The following INSR variants were observed in gnomAD, a reference collection of about 807,000 sequenced individuals.
The protein encoded by INSR is insulin receptor.
INSR carries 67 observed loss-of-function variants against 142.6 expected under a neutral mutation model. The observed-to-expected ratio is 0.47, with a 90% CI of 0.39 to 0.58. The LOEUF (loss-of-function observed/expected upper bound fraction) is 0.58, where lower values mean the gene tolerates loss of function less well. INSR is among the 20% of genes least tolerant of loss of function. The pLI is 0.00. For synonymous variants in INSR, 756 were observed against 743.1 expected (o/e 1.02, Z -0.28); for missense variants, 1,248 against 1,833.2 (o/e 0.68, Z 5.83).
chr19:7,116,900 C>T lies in INSR; in HGVS notation c.*156G>A, dbSNP rs996005411. 15 of 685,880 alleles carry T rather than the reference C, an allele frequency of 2.2e-5. No individual in the cohort carries two copies. Among genetic ancestry groups the T allele is most frequent in the East Asian group, 5.2e-5 (2 of 38,118 alleles). The allele number at this position is 685,880 out of a possible 1,614,324, so 42.5% of individuals were successfully genotyped here. A position where few individuals can be genotyped will look rare whatever the true frequency, so the allele number is the denominator to read the frequency against. Reference sequence around the variant, plus strand: ...AGGACTAGTTAAATTGGTAACCAAACGAGTCCACCTTAAGATGAACAGAAA... The same window carrying T: ...AGGACTAGTTAAATTGGTAACCAAATGAGTCCACCTTAAGATGAACAGAAA... On this transcript the variant is annotated 3_prime_UTR_variant, in exon 22 of 22. Transcript: ENST00000302850.
At chr19:7,128,749 C>T (rs2144822424) in intron 15 of INSR, 103 bp downstream of exon 15, 1 of 795,460 alleles carries the variant, frequency 1.3e-6, no homozygotes, top group Non-Finnish European at 2.2e-6. Flanking sequence ...CCTATATCAG[C>T]AAAATTCATA....
At chr19:7,223,959 T>C (rs893192971) in intron 2 of INSR, among the ~76,000 whole-genome samples, 15 of 151,946 alleles carry the variant, frequency 9.9e-5, no homozygotes, top group Non-Finnish European at 1.6e-4. Flanking sequence ...AATTTTTTTT[T>C]TTTTTGAGAC....
At chr19:7,247,950 C>T (rs1449081525) in intron 2 of INSR, among the ~76,000 whole-genome samples, 1 of 151,956 alleles carries the variant, frequency 6.6e-6, no homozygotes, top group African/African-American at 2.4e-5. Flanking sequence ...GCAGAGCTAC[C>T]TTAGTGGACA....
intron 9 of INSR, among the ~76,000 whole-genome samples, chr19:7,154,320 T>TTTTTGTTG: frequency 7.5e-6 from 1 of 133,148 alleles, no homozygotes; most frequent in East Asian, 2.7e-4. Context: ...TTTTTTTTTT[T>TTTTTGTTG]GAGATGGAGT....
In INSR at chr19:7,147,837, A is replaced by G. The variant is rs1005648483; in HGVS notation, c.2267+2660T>C. Among the ~76,000 whole-genome samples the G allele has an allele frequency of 2.6e-5, 4 of 152,258 alleles. No homozygotes were observed. The East Asian group carries it at 7.7e-4, about 29-fold the overall frequency. On this transcript the variant is annotated intron_variant, in intron 11 of 21. Coordinates refer to ENST00000302850, the MANE Select transcript of INSR (RefSeq NM_000208.4). ...ACAACCAGAGATGTAAAATGGGCTC[A>G]TCAAACAGGCCAAATGAGTTTATAT...
intron 14 of INSR, among the ~76,000 whole-genome samples, chr19:7,131,622 A>C (rs1364736673): frequency 6.7e-6 from 1 of 149,082 alleles, no homozygotes; most frequent in Non-Finnish European, 1.5e-5. Context: ...CTGGGATTAC[A>C]GGTGTGAGCC....
At position 7,275,927 on chromosome 19, in the gene INSR, C is replaced by G. The variant is rs1174182475; in HGVS notation, c.101-8031G>C. Among the ~76,000 whole-genome samples the G allele has an allele frequency of 4.6e-5, 7 of 152,126 alleles. No individual in the cohort carries two copies. In the East Asian group the frequency reaches 1.4e-3, roughly 29 times the overall value. On this transcript the variant is annotated intron_variant, in intron 1 of 21. Transcript: ENST00000302850. ...CAGAGCTGTATTGGACCGTGCTGGTCCTGAATCTGAGAATTTTCCAGAAGG... is the reference window on the plus strand; with the variant it reads ...CAGAGCTGTATTGGACCGTGCTGGTGCTGAATCTGAGAATTTTCCAGAAGG...
At chr19:7,207,941 G>GAA (rs1975156893) in intron 2 of INSR, among the ~76,000 whole-genome samples, 1 of 90,944 alleles carries the variant, frequency 1.1e-5, no homozygotes. Flanking sequence ...AGGAAGGAAG[G>GAA]GAAGGAGGGA....
intron 13 of INSR, among the ~76,000 whole-genome samples, chr19:7,134,013 A>T (rs1018130530): frequency 6.6e-6 from 1 of 152,154 alleles, no homozygotes; most frequent in Non-Finnish European, 1.5e-5. Flanking sequence ...GAGATCTCAT[A>T]GCTGCAAAGT....
intron 2 of INSR, among the ~76,000 whole-genome samples, chr19:7,211,296 G>A (rs1388887219): frequency 6.6e-6 from 1 of 152,156 alleles, no homozygotes; most frequent in African/African-American, 2.4e-5. Context: ...TGAACTCCTG[G>A]CCTCGAGAAT....
chr19:7,136,989 C>T (rs916736099), intron 13 of INSR, among the ~76,000 whole-genome samples: 8 of 151,718 alleles, frequency 5.3e-5, no homozygotes, highest in African/African-American at 1.5e-4. Flanking sequence ...TGCACCACCA[C>T]GCCCGGCTAA....
rs182932229 is a variant in INSR at position 7,267,188 on chromosome 19, A to G, written c.652+157T>C. On this transcript the variant is annotated intron_variant, in intron 2 of 21. Coordinates refer to ENST00000302850, the MANE Select transcript of INSR (RefSeq NM_000208.4). The surrounding 1 kb of genome is among the most constrained non-coding windows in gnomAD (Gnocchi z 6.3). The stretch of plus-strand genomic sequence containing the variant: ...AAGTATCTACTATCTGAGTCTTTAC[A>G]GAAAATGTCTGCCACTCCCTGGGCT... 2.4e-3 allele frequency among the ~76,000 whole-genome samples: 363 copies of G among 152,294 alleles called. 1 individual carries two copies. The highest frequency in any genetic ancestry group is 4.3e-3 in the Non-Finnish European group (292 of 68,036).
chr19:7,232,498 T>A (rs1323451010), intron 2 of INSR, among the ~76,000 whole-genome samples: 1 of 152,224 alleles, frequency 6.6e-6, no homozygotes, highest in Non-Finnish European at 1.5e-5. Context: ...CCCGGCCATG[T>A]GCATTTTATT....
chr19:7,127,813 G>C (rs911308392), intron 15 of INSR, among the ~76,000 whole-genome samples: 1 of 150,966 alleles, frequency 6.6e-6, no homozygotes, highest in Non-Finnish European at 1.5e-5. Context: ...GTGCGATCTC[G>C]GCTCACTGCA....
chr19:7,235,962 T>C (rs1976145358), intron 2 of INSR, among the ~76,000 whole-genome samples: 1 of 141,150 alleles, frequency 7.1e-6, no homozygotes, highest in Admixed American at 8.0e-5. Context: ...GAAAACAATC[T>C]GGCCTTTCCT....
chr19:7,126,671 C>G lies in INSR; in HGVS notation c.2946-20G>C. ...GGCTGCCTGGAGGAGGAAAACGAGG[C>G]ACGTTAGCTTGAGATTCTCATGGGA... On this transcript the variant is annotated intron_variant, in intron 15 of 21. Coordinates refer to ENST00000302850, the MANE Select transcript of INSR (RefSeq NM_000208.4). 1.3e-6 allele frequency: 2 copies of G among 1,557,992 alleles called. No individual in the cohort carries two copies. Among genetic ancestry groups the G allele is most frequent in the Non-Finnish European group, 1.7e-6 (2 of 1,149,556 alleles).
rs147752438 is a variant in INSR, at chr19:7,143,045, C to A, written c.2313G>T (p.Thr771=). The A allele has an allele frequency of 6.2e-7, 1 of 1,614,190 alleles. No homozygotes were observed. The highest frequency in any genetic ancestry group is 1.7e-5 in the Admixed American group (1 of 60,022). ...RRSLGDVGNV[T]VAVPTVAAFP... The stretch of plus-strand genomic sequence containing the variant: ...AAGCTGCCACCGTGGGCACGGCCAC[C>A]GTCACATTCCCAACATCGCCAAGGG... Residue 771 remains threonine, a synonymous_variant, in exon 12 of 22, where the codon ACG becomes ACT. Transcript: ENST00000302850.
chr19:7,198,186 G>A (rs918059701), intron 2 of INSR, among the ~76,000 whole-genome samples: 6 of 151,728 alleles, frequency 4.0e-5, no homozygotes, highest in Admixed American at 2.6e-4. Context: ...GGGGAATCCG[G>A]CCCCGGCGGT....
rs564356405 is a variant in INSR at position 7,195,093 on chromosome 19, C to T, written c.653-10456G>A. On this transcript the variant is annotated intron_variant, in intron 2 of 21. Transcript: ENST00000302850. ...GTACTAGAAAATGGCAAGAGTAAATCTTGTTGTGGGAAACTTTTCATTCAG... is the reference window on the plus strand; with the variant it reads ...GTACTAGAAAATGGCAAGAGTAAATTTTGTTGTGGGAAACTTTTCATTCAG... Among the ~76,000 whole-genome samples, 3 of 152,180 alleles carry T rather than the reference C, an allele frequency of 2.0e-5. 1 individual carries two copies. The South Asian group carries it at 6.2e-4, about 32-fold the overall frequency.
Sources: gnomAD v4.1 joint callset for allele counts (sites outside exome capture counted in the v4.1 genomes callset) on GRCh38, gnomAD v4.1.1 for gene constraint, Gnocchi (gnomAD v3.1) non-coding constraint, MANE v1.5 for transcripts, NCBI Gene and HGNC (gene_info 2026-07-23, HGNC 2026-07-21) for gene names.